Variants in BRINP3 observed in about 807,000 individuals in gnomAD.
BRINP3 encodes the protein BMP/retinoic acid-inducible neural-specific protein 3.
Under a neutral mutation model 71.0 loss-of-function variants are expected in BRINP3, and 19 were observed. That is an observed-to-expected ratio of 0.27 (90% confidence interval 0.19 to 0.39). The LOEUF is 0.39. Ranked by LOEUF, BRINP3 falls within the 10% of genes least tolerant of loss-of-function variation. The pLI is 1.00. For missense variants in BRINP3, 959 were observed against 940.8 expected (o/e 1.02, Z -0.25); for synonymous variants, 380 against 337.7 (o/e 1.13, Z -1.37).
intron 7 of BRINP3, among the ~76,000 whole-genome samples, chr1:190,104,082 G>A (rs998786850): frequency 1.3e-5 from 2 of 151,978 alleles, no homozygotes; most frequent in African/African-American, 4.8e-5. Flanking sequence ...TTAAATATGT[G>A]TTGAAAGTTT....
In BRINP3 at chr1:190,105,603, T is replaced by A. The variant is rs188067822; in HGVS notation, c.1185-6469A>T. Among the ~76,000 whole-genome samples the A allele has an allele frequency of 2.1e-4, 32 of 152,208 alleles. No homozygotes were observed. In the East Asian group the frequency reaches 4.4e-3, roughly 21 times the overall value. ...TAGAACCTGTCCAAGATCTAGCAGCTAGTGAGTGTCAGAGCTAAAGGTTTA... is the reference window on the plus strand; with the variant it reads ...TAGAACCTGTCCAAGATCTAGCAGCAAGTGAGTGTCAGAGCTAAAGGTTTA... On this transcript the variant is annotated intron_variant, in intron 7 of 7. Transcript: ENST00000367462.
chr1:190,098,230 C>T lies in BRINP3; in HGVS notation c.2089G>A (p.Asp697Asn), dbSNP rs1172739869. The T allele has an allele frequency of 5.0e-6, 8 of 1,614,082 alleles. No individual in the cohort carries two copies. Among genetic ancestry groups the T allele is most frequent in the Non-Finnish European group, 6.8e-6 (8 of 1,180,014 alleles). The change falls in exon 8 of 8, where the codon GAT becomes AAT. Residue 697 changes from aspartate to asparagine, a missense_variant. Transcript: ENST00000367462. The stretch of plus-strand genomic sequence containing the variant: ...TCTAGTAGTTGCAAAAGTGCTGAAT[C>T]CTGGGATCCCTGAGTATAGGGGTAG... ...LDYPYTQGSQ[D>N]SALLQLLEIR...
chr1:190,344,934 A>G (rs1667912192), intron 2 of BRINP3, among the ~76,000 whole-genome samples: 1 of 151,916 alleles, frequency 6.6e-6, no homozygotes, highest in African/African-American at 2.4e-5. Flanking sequence ...AGAAGTAGTG[A>G]GCACTGTGAG....
intron 1 of BRINP3, among the ~76,000 whole-genome samples, chr1:190,462,529 C>G (rs1417848868): frequency 6.6e-6 from 1 of 152,006 alleles, no homozygotes; most frequent in Non-Finnish European, 1.5e-5. Flanking sequence ...AAATCATATA[C>G]TAGGATTATT....
chr1:190,373,272 C>T (rs896058019), intron 2 of BRINP3, among the ~76,000 whole-genome samples: 1 of 151,908 alleles, frequency 6.6e-6, no homozygotes, highest in Admixed American at 6.6e-5. Context: ...TGCCTGTAAT[C>T]CCAGCTACTC....
intron 2 of BRINP3, among the ~76,000 whole-genome samples, chr1:190,446,106 T>C (rs376377202): frequency 6.6e-5 from 10 of 152,112 alleles, no homozygotes; most frequent in East Asian, 5.8e-4. Context: ...TTCTAAACTA[T>C]TTATATTTCT....
chr1:190,158,991 A>T (rs991125822), intron 7 of BRINP3, among the ~76,000 whole-genome samples: 1 of 152,028 alleles, frequency 6.6e-6, no homozygotes, highest in Non-Finnish European at 1.5e-5. Flanking sequence ...CAATCAGAAC[A>T]TATGAAGTCC....
intron 2 of BRINP3, among the ~76,000 whole-genome samples, chr1:190,444,438 A>T (rs1675065375): frequency 1.3e-5 from 2 of 151,892 alleles, no homozygotes; most frequent in Middle Eastern, 6.8e-3. Context: ...ATCAGTTATT[A>T]GCTTTTACAT....
chr1:190,447,238 T>C (rs1295301209), intron 2 of BRINP3, among the ~76,000 whole-genome samples: 1 of 149,748 alleles, frequency 6.7e-6, no homozygotes, highest in Non-Finnish European at 1.5e-5. Flanking sequence ...TTTCCTTTTC[T>C]AGTATGGATT....
Position 190,443,405 on chromosome 1 carries a change from A to AG in BRINP3, c.236+11249_236+11250insC, listed in dbSNP as rs1491520937. The stretch of plus-strand genomic sequence containing the variant: ...GGGCGACAGAGCAAGACTCCGTCTC[A>AG]AAAAAAAAAAAAAGAAAAGAAAAGA... On this transcript the variant is annotated intron_variant, in intron 2 of 7. Coordinates refer to ENST00000367462, the MANE Select transcript of BRINP3 (RefSeq NM_199051.3). Among the ~76,000 whole-genome samples, 569 of 136,072 alleles carry AG rather than the reference A, an allele frequency of 4.2e-3. 4 individuals are homozygous for AG. Among genetic ancestry groups the AG allele is most frequent in the African/African-American group, 0.016 (549 of 34,468 alleles). 89.3% of individuals were successfully genotyped at this position (136,072 alleles called of 152,430 possible).
chr1:190,390,664 C>T (rs1381146248), intron 2 of BRINP3, among the ~76,000 whole-genome samples: 2 of 151,652 alleles, frequency 1.3e-5, no homozygotes, highest in African/African-American at 4.8e-5. Flanking sequence ...CACCTTCTGG[C>T]CCTGTTGTAT....
At chr1:190,221,213 A>G (rs1312137405) in intron 6 of BRINP3, among the ~76,000 whole-genome samples, 4 of 152,116 alleles carry the variant, frequency 2.6e-5, no homozygotes, top group East Asian at 1.9e-4. Context: ...GTGAGACTCC[A>G]TCTCAAACAA....
At chr1:190,117,657 A>G (rs893790937) in intron 7 of BRINP3, among the ~76,000 whole-genome samples, 1 of 152,168 alleles carries the variant, frequency 6.6e-6, no homozygotes. Flanking sequence ...TTAAAAATTA[A>G]AAGGATATTA....
chr1:190,165,481 T>TGTGA (rs1177780348), intron 6 of BRINP3, among the ~76,000 whole-genome samples: 1 of 129,292 alleles, frequency 7.7e-6, no homozygotes, highest in African/African-American at 3.1e-5. Flanking sequence ...TGTGTGTGTG[T>TGTGA]GTGTGTGTGT....
chr1:190,098,293 C>A lies in BRINP3; in HGVS notation c.2026G>T (p.Asp676Tyr), dbSNP rs371092583. 1 of 1,614,128 alleles carries A rather than the reference C, an allele frequency of 6.2e-7. No individual in the cohort carries two copies. Among genetic ancestry groups the A allele is most frequent in the Non-Finnish European group, 8.5e-7 (1 of 1,180,020 alleles). ...ATCAGGTCCCGAATTGCTTCAGGGTCAAAGTGCATGCTGTAGCCAAACACT... is the reference window on the plus strand; with the variant it reads ...ATCAGGTCCCGAATTGCTTCAGGGTAAAAGTGCATGCTGTAGCCAAACACT... ...IQVFGYSMHFDPEAIRDLILQ... is the reference protein window; with the variant it reads ...IQVFGYSMHFYPEAIRDLILQ... Residue 676 changes from aspartate (D) to tyrosine (Y), a missense_variant, in exon 8 of 8, where the codon GAC becomes TAC. Transcript: ENST00000367462.
intron 2 of BRINP3, among the ~76,000 whole-genome samples, chr1:190,340,364 T>C (rs752136781): frequency 1.4e-4 from 22 of 152,046 alleles, no homozygotes; most frequent in Non-Finnish European, 2.8e-4. Context: ...TTCCATCTCA[T>C]AATCAAATCT....
At chr1:190,464,424 T>A (rs1676603141) in intron 1 of BRINP3, among the ~76,000 whole-genome samples, 1 of 151,962 alleles carries the variant, frequency 6.6e-6, no homozygotes, top group South Asian at 2.1e-4. Context: ...TTTTACAATA[T>A]GCTGTTGTTA....
At chr1:190,445,143 A>G (rs925159597) in intron 2 of BRINP3, among the ~76,000 whole-genome samples, 3 of 152,074 alleles carry the variant, frequency 2.0e-5, no homozygotes, top group Admixed American at 2.0e-4. Flanking sequence ...ACTTTGGGGA[A>G]ATTAAAAAAA....
chr1:190,141,624 C>T (rs1571821200), intron 7 of BRINP3, among the ~76,000 whole-genome samples: 2 of 134,064 alleles, frequency 1.5e-5, no homozygotes, highest in South Asian at 2.3e-4. Flanking sequence ...TGAAGTGGCA[C>T]GATCTCCGCT....
Sources: allele counts gnomAD v4.1 joint callset (sites outside exome capture counted in the v4.1 genomes callset), GRCh38; gene constraint gnomAD v4.1.1; transcripts MANE v1.5; gene names NCBI Gene and HGNC (gene_info 2026-07-23, HGNC 2026-07-21).